NUBPL: variants seen among roughly 807,000 people sequenced by gnomAD.
NUBPL encodes the protein iron-sulfur cluster transfer protein NUBPL.
Under a neutral mutation model 45.7 loss-of-function variants are expected in NUBPL, and 31 were observed. That is an observed-to-expected ratio of 0.68 (90% confidence interval 0.51 to 0.92). The LOEUF is 0.92. NUBPL is among the 40% of genes least tolerant of loss of function. The probability of loss-of-function intolerance (pLI) is 0.00; values close to 1 mark genes in which losing one functional copy is unlikely to be tolerated. For missense variants in NUBPL, 401 were observed against 398.7 expected (o/e 1.01, Z -0.05); for synonymous variants, 144 against 140.9 (o/e 1.02, Z -0.15).
chr14:31,786,696 T>C (rs972563871), intron 6 of NUBPL, among the ~76,000 whole-genome samples: 3 of 152,192 alleles, frequency 2.0e-5, no homozygotes, highest in Admixed American at 1.3e-4. Context: ...AGGGGAAGTA[T>C]GTAGTAGAAA....
intron 4 of NUBPL, among the ~76,000 whole-genome samples, chr14:31,639,467 T>A (rs11156695): frequency 1.3e-5 from 2 of 151,910 alleles, no homozygotes; most frequent in African/African-American, 2.4e-5. Flanking sequence ...AGTACCCGGC[T>A]GTGTGAGGTG....
intron 3 of NUBPL, among the ~76,000 whole-genome samples, chr14:31,592,909 C>A (rs1014090986): frequency 4.6e-5 from 7 of 152,044 alleles, no homozygotes; most frequent in African/African-American, 1.7e-4. Flanking sequence ...ACAAAGCATG[C>A]AAAAATCCTT....
chr14:31,689,726 A>T (rs2037049348), intron 6 of NUBPL, among the ~76,000 whole-genome samples: 2 of 152,160 alleles, frequency 1.3e-5, no homozygotes, highest in South Asian at 2.1e-4. Flanking sequence ...TTCGTCATGA[A>T]ATCTTTGCCA....
chr14:31,832,991 T>C (rs1181246747), intron 8 of NUBPL, among the ~76,000 whole-genome samples: 1 of 152,240 alleles, frequency 6.6e-6, no homozygotes, highest in Non-Finnish European at 1.5e-5. Context: ...TTGTAATTAC[T>C]TTTTAGAATG....
intron 4 of NUBPL, among the ~76,000 whole-genome samples, chr14:31,631,326 CT>C (rs1250904707): frequency 1.3e-5 from 2 of 151,862 alleles, no homozygotes; most frequent in Non-Finnish European, 2.9e-5. Flanking sequence ...ATAGCTGTTA[CT>C]TTTTTTTCCC....
intron 6 of NUBPL, among the ~76,000 whole-genome samples, chr14:31,673,776 T>C (rs112193287): frequency 6.6e-6 from 1 of 152,184 alleles, no homozygotes; most frequent in Non-Finnish European, 1.5e-5. Context: ...CCATTGCTTG[T>C]GAGTACTAAA....
chr14:31,604,589 C>G (rs1237334568), intron 4 of NUBPL, among the ~76,000 whole-genome samples: 1 of 152,086 alleles, frequency 6.6e-6, no homozygotes, highest in Non-Finnish European at 1.5e-5. Context: ...TTACCTTTCT[C>G]CTTATTATTT....
chr14:31,664,641 A>C (rs888703044), intron 4 of NUBPL, among the ~76,000 whole-genome samples: 1 of 152,152 alleles, frequency 6.6e-6, no homozygotes, highest in Non-Finnish European at 1.5e-5. Context: ...GTGTGACAGC[A>C]TTTTATTGAG....
chr14:31,753,851 T>C (rs1228090679), intron 6 of NUBPL, among the ~76,000 whole-genome samples: 1 of 152,194 alleles, frequency 6.6e-6, no homozygotes, highest in Non-Finnish European at 1.5e-5. Context: ...TGAAGTACAG[T>C]CATTTATTTG....
chr14:31,602,878 A>G (rs943030742), intron 4 of NUBPL, among the ~76,000 whole-genome samples: 2 of 152,206 alleles, frequency 1.3e-5, no homozygotes, highest in African/African-American at 4.8e-5. Flanking sequence ...AAAAACTCCC[A>G]AAACATTATT....
chr14:31,859,351 G>A lies in NUBPL; in HGVS notation c.*171G>A, dbSNP rs535363364. Reference sequence around the variant, plus strand: ...AAGCTAAGGTTCACAAAACTTTGATGTATCAATGTTAACTGCTATATTTAG... The same window carrying A: ...AAGCTAAGGTTCACAAAACTTTGATATATCAATGTTAACTGCTATATTTAG... On this transcript the variant is annotated 3_prime_UTR_variant, in exon 11 of 11. Transcript: ENST00000281081. 3.0e-6 allele frequency: 2 copies of A among 667,544 alleles called. No individual in the cohort carries two copies. The highest frequency in any genetic ancestry group is 1.8e-5 in the African/African-American group (1 of 55,376). The allele number at this position is 667,544 out of a possible 1,614,324, so 41.4% of individuals were successfully genotyped here. A position where few individuals can be genotyped will look rare whatever the true frequency, so the allele number is the denominator to read the frequency against.
chr14:31,775,326 G>A (rs2039079649), intron 6 of NUBPL, among the ~76,000 whole-genome samples: 1 of 152,172 alleles, frequency 6.6e-6, no homozygotes, highest in Non-Finnish European at 1.5e-5. Flanking sequence ...GCTGAGGCAG[G>A]AGACTCGCTT....
At position 31,564,993 on chromosome 14, in the gene NUBPL, TA is replaced by T; in HGVS notation, c.257-20del. The stretch of plus-strand genomic sequence containing the variant: ...TAGAAGGAAAGTTACTAAATTCAAT[TA>T]CTTTTTTTGTTTCTTACAGTGAATC... On this transcript the variant is annotated intron_variant, in intron 2 of 10. Transcript: ENST00000281081. 7 of 1,445,266 alleles carry T rather than the reference TA, an allele frequency of 4.8e-6. No individual in the cohort carries two copies. Among genetic ancestry groups the T allele is most frequent in the Non-Finnish European group, 6.7e-6 (7 of 1,039,634 alleles). The allele number at this position is 1,445,266 out of a possible 1,614,324, so 89.5% of individuals were successfully genotyped here. A position where few individuals can be genotyped will look rare whatever the true frequency, so the allele number is the denominator to read the frequency against.
intron 4 of NUBPL, among the ~76,000 whole-genome samples, chr14:31,600,220 C>T (rs921027661): frequency 6.6e-6 from 1 of 152,128 alleles, no homozygotes; most frequent in Non-Finnish European, 1.5e-5. Flanking sequence ...CTACACCTGG[C>T]CCACTAATTT....
intron 8 of NUBPL, among the ~76,000 whole-genome samples, chr14:31,829,937 C>G (rs933953187): frequency 7.2e-5 from 11 of 151,972 alleles, no homozygotes; most frequent in Non-Finnish European, 1.3e-4. Flanking sequence ...AATTTTCAGT[C>G]TTATACATTT....
intron 8 of NUBPL, among the ~76,000 whole-genome samples, chr14:31,838,279 C>CAAAAAAAAAA (rs748313330): frequency 1.7e-4 from 10 of 60,274 alleles, no homozygotes; most frequent in African/African-American, 2.5e-4. Context: ...TAATATCCAG[C>CAAAAAAAAAA]AAAAAAAAAA....
chr14:31,617,492 T>C (rs1235184194), intron 4 of NUBPL, among the ~76,000 whole-genome samples: 1 of 152,196 alleles, frequency 6.6e-6, no homozygotes, highest in Non-Finnish European at 1.5e-5. Flanking sequence ...GGAAGGGGTG[T>C]TGAATTTTGT....
At chr14:31,664,153 TTTTTTA>T (rs2036345595) in intron 4 of NUBPL, among the ~76,000 whole-genome samples, 1 of 151,784 alleles carries the variant, frequency 6.6e-6, no homozygotes, top group Non-Finnish European at 1.5e-5. Context: ...ACAATGGGGG[TTTTTTA>T]AATAAACAAT....
intron 7 of NUBPL, among the ~76,000 whole-genome samples, chr14:31,811,095 C>A (rs1437126819): frequency 6.6e-6 from 1 of 152,032 alleles, no homozygotes; most frequent in African/African-American, 2.4e-5. Flanking sequence ...AATTATATGT[C>A]TTGGGGTTGC....
Sources: allele counts gnomAD v4.1 joint callset (sites outside exome capture counted in the v4.1 genomes callset), GRCh38; gene constraint gnomAD v4.1.1; transcripts MANE v1.5; gene names NCBI Gene and HGNC (gene_info 2026-07-23, HGNC 2026-07-21).